The following AK5 variants were observed in gnomAD, a reference collection of about 807,000 sequenced individuals.
AK5 encodes the protein adenylate kinase isoenzyme 5.
AK5 carries 27 observed loss-of-function variants against 69.5 expected under a neutral mutation model. That is an observed-to-expected ratio of 0.39 (90% confidence interval 0.29 to 0.54). The LOEUF (loss-of-function observed/expected upper bound fraction) is 0.54, where lower values mean the gene tolerates loss of function less well. Ranked by LOEUF, AK5 falls within the 20% of genes least tolerant of loss-of-function variation. The probability of loss-of-function intolerance (pLI) is 0.71; values close to 1 mark genes in which losing one functional copy is unlikely to be tolerated. For missense variants in AK5, 531 were observed against 700.4 expected, an observed-to-expected ratio of 0.76 and a Z score of 2.73; for synonymous variants, 260 against 244.4, an observed-to-expected ratio of 1.06 and a Z score of -0.60.
At chr1:77,337,969 T>C (rs1384918764) in intron 5 of AK5, among the ~76,000 whole-genome samples, 2 of 150,946 alleles carry the variant, frequency 1.3e-5, no homozygotes, top group Non-Finnish European at 3.0e-5. Context: ...CTTTTTATTT[T>C]TTTTTTTTTT....
Position 77,417,721 on chromosome 1 carries a change from T to G in AK5, c.1059+6T>G. 1.3e-6 allele frequency: 2 copies of G among 1,552,958 alleles called. No individual in the cohort carries two copies. The highest frequency in any genetic ancestry group is 2.3e-5 in the South Asian group (2 of 87,484). ...GATCTGATTATGAAGATCAGGTAATTAAAATCTGAAAATAGTTCTCTATTT... is the reference window on the plus strand; with the variant it reads ...GATCTGATTATGAAGATCAGGTAATGAAAATCTGAAAATAGTTCTCTATTT... On this transcript the variant is annotated splice_donor_region_variant and intron_variant, in intron 8 of 13. Transcript: ENST00000354567.
chr1:77,450,415 A>G (rs186537177), intron 8 of AK5, among the ~76,000 whole-genome samples: 178 of 152,316 alleles, frequency 1.2e-3, no homozygotes, highest in African/African-American at 4.2e-3. Context: ...CCTTCTAACC[A>G]AATGAGAACA....
rs764139370 is a variant in AK5 at position 77,535,986 on chromosome 1, G to A, written c.1568G>A (p.Arg523Gln). 12 of 1,613,022 alleles carry A rather than the reference G, an allele frequency of 7.4e-6. No individual in the cohort carries two copies. The highest frequency in any genetic ancestry group is 3.3e-5 in the South Asian group (3 of 90,974). ...GCCAAGCGCCTAGAAGCCTACTACCGAGCGTCCATCCCCGTGATCGCCTAC... is the reference window on the plus strand; with the variant it reads ...GCCAAGCGCCTAGAAGCCTACTACCAAGCGTCCATCCCCGTGATCGCCTAC... Reference protein sequence around the residue: ...TIAKRLEAYYRASIPVIAYYE... With the variant: ...TIAKRLEAYYQASIPVIAYYE... The change falls in exon 13 of 14, where the codon CGA becomes CAA. Residue 523 changes from arginine to glutamine, a missense_variant. By Grantham distance (43) the Arg-to-Gln change is conservative. Coordinates refer to ENST00000354567, the MANE Select transcript of AK5 (RefSeq NM_174858.3).
intron 6 of AK5, among the ~76,000 whole-genome samples, chr1:77,370,291 CTT>C (rs1647095844): frequency 6.6e-6 from 1 of 152,178 alleles, no homozygotes; most frequent in Non-Finnish European, 1.5e-5. Context: ...TGCCCTAACA[CTT>C]TTCCCCGTAA....
At chr1:77,331,351 T>C (rs1237251085) in intron 5 of AK5, among the ~76,000 whole-genome samples, 2 of 152,158 alleles carry the variant, frequency 1.3e-5, no homozygotes, top group Non-Finnish European at 2.9e-5. Flanking sequence ...TTGCTATTCA[T>C]TTTGTATATT....
chr1:77,285,290 T>C (rs1488417546), intron 1 of AK5, among the ~76,000 whole-genome samples: 1 of 152,182 alleles, frequency 6.6e-6, no homozygotes, highest in African/African-American at 2.4e-5. Flanking sequence ...TCAACTGCAA[T>C]GTGTGTGTAT....
intron 5 of AK5, among the ~76,000 whole-genome samples, chr1:77,318,559 G>A (rs1660362182): frequency 6.6e-6 from 1 of 152,122 alleles, no homozygotes; most frequent in African/African-American, 2.4e-5. Context: ...TGTGTTCCCA[G>A]TATTAATGTC....
At chr1:77,375,258 A>G (rs1647203353) in intron 6 of AK5, among the ~76,000 whole-genome samples, 1 of 150,402 alleles carries the variant, frequency 6.6e-6, no homozygotes, top group Non-Finnish European at 1.5e-5. Flanking sequence ...CAACCTAAGC[A>G]GGAATTACAA....
intron 2 of AK5, among the ~76,000 whole-genome samples, chr1:77,289,335 T>C (rs147075454): frequency 6.6e-6 from 1 of 152,300 alleles, no homozygotes; most frequent in East Asian, 1.9e-4. Flanking sequence ...GATATTTTTG[T>C]GGGCTTGAAC....
chr1:77,344,784 C>G (rs142963741), intron 6 of AK5, among the ~76,000 whole-genome samples: 1 of 151,286 alleles, frequency 6.6e-6, no homozygotes, highest in Non-Finnish European at 1.5e-5. Flanking sequence ...AGTTCTTTAG[C>G]GGTGATTTCT....
At chr1:77,343,004 G>C (rs898327419) in intron 6 of AK5, among the ~76,000 whole-genome samples, 7 of 152,126 alleles carry the variant, frequency 4.6e-5, no homozygotes, top group Non-Finnish European at 1.0e-4. Flanking sequence ...ACCTAGAACA[G>C]TACCTTCTCA....
At chr1:77,532,995 T>A (rs554607736) in intron 12 of AK5, among the ~76,000 whole-genome samples, 1 of 152,204 alleles carries the variant, frequency 6.6e-6, no homozygotes, top group Admixed American at 6.5e-5. Flanking sequence ...AAAAATTAGA[T>A]GGTATCTCAT....
At chr1:77,413,935 G>A (rs905794695) in intron 7 of AK5, among the ~76,000 whole-genome samples, 2 of 152,062 alleles carry the variant, frequency 1.3e-5, no homozygotes, top group South Asian at 2.1e-4. Flanking sequence ...CCCAAATACC[G>A]TCAGAATATT....
intron 6 of AK5, among the ~76,000 whole-genome samples, chr1:77,395,295 T>C (rs1247416896): frequency 6.6e-6 from 1 of 152,256 alleles, no homozygotes; most frequent in East Asian, 1.9e-4. Context: ...GAGGGTTGCA[T>C]TTAAAATTGG....
At chr1:77,535,333 T>G (rs1410180135) in intron 12 of AK5, among the ~76,000 whole-genome samples, 2 of 152,128 alleles carry the variant, frequency 1.3e-5, no homozygotes, top group East Asian at 3.8e-4. Context: ...TGGAGACAAG[T>G]CATGACACCA....
intron 6 of AK5, among the ~76,000 whole-genome samples, chr1:77,369,324 T>C (rs1647076467): frequency 6.6e-6 from 1 of 152,146 alleles, no homozygotes; most frequent in Non-Finnish European, 1.5e-5. Context: ...GAGAAGAGTA[T>C]ACATTTTTAT....
At chr1:77,365,946 A>G (rs1646942536) in intron 6 of AK5, among the ~76,000 whole-genome samples, 1 of 152,210 alleles carries the variant, frequency 6.6e-6, no homozygotes, top group Non-Finnish European at 1.5e-5. Flanking sequence ...TCAAAAAAAC[A>G]TGTAATGGCA....
intron 8 of AK5, among the ~76,000 whole-genome samples, chr1:77,431,246 T>A (rs112950854): frequency 4.6e-4 from 70 of 152,288 alleles, no homozygotes; most frequent in Non-Finnish European, 8.7e-4. Flanking sequence ...AGCATTTCAT[T>A]TGATATTAGT....
intron 5 of AK5, among the ~76,000 whole-genome samples, chr1:77,321,551 C>A (rs1024586217): frequency 5.3e-5 from 8 of 151,784 alleles, no homozygotes; most frequent in African/African-American, 9.7e-5. Flanking sequence ...CATTTGACAA[C>A]ATTGAACATA....
Sources: allele counts gnomAD v4.1 joint callset (sites outside exome capture counted in the v4.1 genomes callset), GRCh38; gene constraint gnomAD v4.1.1; transcripts MANE v1.5; gene names NCBI Gene and HGNC (gene_info 2026-07-23, HGNC 2026-07-21).